TBC1D1: variants seen among roughly 807,000 people sequenced by gnomAD.
TBC1D1 encodes the protein TBC1 domain family member 1.
In TBC1D1, 89 loss-of-function variants were observed where a neutral mutation model predicts 125.6. The ratio of observed to expected loss-of-function variants is 0.71; its 90% confidence interval spans 0.60 to 0.85. The LOEUF (loss-of-function observed/expected upper bound fraction) is 0.85. TBC1D1 is among the 40% of genes least tolerant of loss of function. TBC1D1 has a pLI of 0.00. For synonymous variants in TBC1D1, 565 were observed against 564.1 expected (o/e 1.00, Z -0.02); for missense variants, 1,377 against 1,469.2 (o/e 0.94, Z 1.03).
At chr4:38,101,947 G>A (rs963815525) in intron 14 of TBC1D1, among the ~76,000 whole-genome samples, 1 of 151,940 alleles carries the variant, frequency 6.6e-6, no homozygotes, top group Non-Finnish European at 1.5e-5. Flanking sequence ...GAAGGATTCT[G>A]TGGAACCTTG....
At chr4:38,137,051 C>T in intron 19 of TBC1D1, 84 bp from the exon 22 acceptor site, 1 of 1,598,962 alleles carries the variant, frequency 6.3e-7, no homozygotes, top group Non-Finnish European at 8.5e-7. Context: ...CAGAGTGCTC[C>T]CAAGGCTGGA....
chr4:37,891,787 G>C (rs1170160959), intron 1 of TBC1D1, among the ~76,000 whole-genome samples: 1 of 151,500 alleles, frequency 6.6e-6, no homozygotes. Context: ...CTCCACCAGT[G>C]CGCGCAACAT....
At chr4:38,120,431 A>T (rs1253583746) in intron 17 of TBC1D1, among the ~76,000 whole-genome samples, 1 of 152,236 alleles carries the variant, frequency 6.6e-6, no homozygotes, top group Non-Finnish European at 1.5e-5. Context: ...GAGAATGGTG[A>T]TGGAGATAGC....
At chr4:37,920,877 G>A (rs966594340) in intron 2 of TBC1D1, among the ~76,000 whole-genome samples, 1 of 152,104 alleles carries the variant, frequency 6.6e-6, no homozygotes, top group Admixed American at 6.5e-5. Context: ...TTGGGAGGCC[G>A]AGGCGGGCCG....
chr4:38,050,993 G>T (rs187364563), intron 11 of TBC1D1, among the ~76,000 whole-genome samples: 1 of 152,354 alleles, frequency 6.6e-6, no homozygotes, highest in Admixed American at 6.5e-5. Flanking sequence ...GGTTGTAGCT[G>T]TGTAAGTTTC....
chr4:38,103,599 T>C (rs1760742508), intron 15 of TBC1D1, among the ~76,000 whole-genome samples: 1 of 152,202 alleles, frequency 6.6e-6, no homozygotes, highest in South Asian at 2.1e-4. Context: ...TTTGTGTGTG[T>C]GCCTTGAATG....
chr4:38,075,466 G>C (rs73241085), intron 12 of TBC1D1, among the ~76,000 whole-genome samples: 3,883 of 152,290 alleles, frequency 0.025, 61 homozygotes, highest in Non-Finnish European at 0.04. Context: ...CAGGTGGAAA[G>C]GTCACATTTC....
chr4:37,944,031 G>C (rs999124616), intron 2 of TBC1D1, among the ~76,000 whole-genome samples: 9 of 152,196 alleles, frequency 5.9e-5, no homozygotes, highest in African/African-American at 2.2e-4. Context: ...TGTCCTTTCT[G>C]TTCATTAGTT....
chr4:38,030,993 C>T (rs1746015563), intron 7 of TBC1D1, among the ~76,000 whole-genome samples: 1 of 152,168 alleles, frequency 6.6e-6, no homozygotes, highest in Admixed American at 6.5e-5. Flanking sequence ...AACTTAATGC[C>T]AGATGGGCAT....
chr4:38,014,742 C>T lies in TBC1D1; in HGVS notation c.651C>T (p.Pro217=). The T allele has an allele frequency of 6.2e-7, 1 of 1,611,660 alleles. No homozygotes were observed. Among genetic ancestry groups the T allele is most frequent in the South Asian group, 1.1e-5 (1 of 90,982 alleles). The stretch of plus-strand genomic sequence containing the variant: ...CCGAGAGCCCCCGCCCCAACCCGCC[C>T]CATGCCGCGCCCACAGGGAGCCAGG... The change falls in exon 3 of 20, where the codon CCC becomes CCT. Residue 217 remains proline (P), a synonymous_variant. Coordinates refer to ENST00000261439, the MANE Select transcript of TBC1D1 (RefSeq NM_015173.4). This position sits in a 1 kb window ranked among gnomAD's most constrained non-coding sequence, Gnocchi z 5.1.
chr4:38,034,704 G>A (rs1746864273), intron 7 of TBC1D1, among the ~76,000 whole-genome samples: 1 of 152,160 alleles, frequency 6.6e-6, no homozygotes, highest in Non-Finnish European at 1.5e-5. Flanking sequence ...AGGGAGAGGG[G>A]AGGAACAGGC....
At chr4:38,131,645 C>T (rs1323799089) in intron 18 of TBC1D1, among the ~76,000 whole-genome samples, 1 of 152,140 alleles carries the variant, frequency 6.6e-6, no homozygotes, top group Non-Finnish European at 1.5e-5. Context: ...GGTTAAGTAC[C>T]GAGCTCAAGT....
intron 2 of TBC1D1, chr4:38,006,672 G>A (rs1048417500): frequency 7.6e-6 from 2 of 262,728 alleles, no homozygotes; most frequent in East Asian, 1.2e-4. Flanking sequence ...GTAGAGATGG[G>A]GTTTCACCAT....
rs144997815 is a variant in TBC1D1, at chr4:38,131,695, G to A, written c.3133-1389G>A. Among the ~76,000 whole-genome samples the A allele has an allele frequency of 3.3e-5, 5 of 152,274 alleles. No individual in the cohort carries two copies. The East Asian group carries it at 9.6e-4, about 29-fold the overall frequency. ...CCAGTGGAGCCGCAATTTTAAGGCT[G>A]ACTCAAAGCCTCTGAGCCAGTTACC... On this transcript the variant is annotated intron_variant, in intron 18 of 19. Coordinates refer to ENST00000261439, the MANE Select transcript of TBC1D1 (RefSeq NM_015173.4).
intron 2 of TBC1D1, among the ~76,000 whole-genome samples, chr4:37,938,864 T>C (rs1037616351): frequency 2.0e-5 from 3 of 152,240 alleles, no homozygotes; most frequent in Admixed American, 2.0e-4. Flanking sequence ...CTCATCCTTT[T>C]GTATGGCTGC....
rs1419028683 is a variant in TBC1D1, at chr4:37,995,102, GA to G, written c.418-19406del. 1.3e-5 allele frequency among the ~76,000 whole-genome samples: 2 copies of G among 152,168 alleles called. No individual in the cohort carries two copies. The highest frequency in any genetic ancestry group is 2.9e-5 in the Non-Finnish European group (2 of 68,044). ...AATAGTAGAATTTGGAACTAGAAGTGATTTTAAGAGTACTGCAGTTTGTTTC... is the reference window on the plus strand; with the variant it reads ...AATAGTAGAATTTGGAACTAGAAGTGTTTTAAGAGTACTGCAGTTTGTTTC... On this transcript the variant is annotated intron_variant, in intron 2 of 19. Transcript: ENST00000261439. This position sits in a 1 kb window ranked among gnomAD's most constrained non-coding sequence, Gnocchi z 4.3.
intron 8 of TBC1D1, among the ~76,000 whole-genome samples, chr4:38,042,869 A>G (rs1748661519): frequency 6.6e-6 from 1 of 152,142 alleles, no homozygotes; most frequent in African/African-American, 2.4e-5. Context: ...AACAAAGAAT[A>G]TATCAGTATT....
intron 1 of TBC1D1, among the ~76,000 whole-genome samples, chr4:37,896,411 A>T (rs1232694057): frequency 6.6e-6 from 1 of 152,156 alleles, no homozygotes; most frequent in African/African-American, 2.4e-5. Flanking sequence ...CTGATCAATA[A>T]TTCCCATCCT....
At chr4:38,115,091 CTTTTTTCTTTTTTT>C (rs1696587193) in intron 15 of TBC1D1, among the ~76,000 whole-genome samples, 1 of 117,996 alleles carries the variant, frequency 8.5e-6, no homozygotes, top group African/African-American at 3.7e-5. Context: ...TAACAGTTTT[CTTTTTTCTTTTTTT>C]TTTTTTTTTT....
Sources: allele counts gnomAD v4.1 joint callset (sites outside exome capture counted in the v4.1 genomes callset), GRCh38; gene constraint gnomAD v4.1.1; non-coding constraint Gnocchi (gnomAD v3.1); transcripts MANE v1.5; gene names NCBI Gene and HGNC (gene_info 2026-07-23, HGNC 2026-07-21).